ERG: variants seen among roughly 807,000 people sequenced by gnomAD.
The protein encoded by ERG is transcriptional regulator ERG.
In ERG, 9 loss-of-function variants were observed where a neutral mutation model predicts 55.3. The ratio of observed to expected loss-of-function variants is 0.16; its 90% CI spans 0.10 to 0.28. The LOEUF (loss-of-function observed/expected upper bound fraction) is 0.28. ERG is among the 10% of genes least tolerant of loss of function. The pLI is 1.00. For missense variants in ERG, 434 were observed against 631.6 expected, an observed-to-expected ratio of 0.69 and a Z score of 3.35; for synonymous variants, 223 against 237.3, an observed-to-expected ratio of 0.94 and a Z score of 0.55.
intron 2 of ERG, among the ~76,000 whole-genome samples, chr21:38,434,528 G>A (rs188394850): frequency 3.0e-4 from 45 of 152,280 alleles, no homozygotes; most frequent in Non-Finnish European, 5.0e-4. Flanking sequence ...CTCAGTAAGT[G>A]TCTGCAGGAT....
chr21:38,469,429 C>A lies in ERG; in HGVS notation c.19-23808G>T, dbSNP rs554418640. ...TCACAGAAACTCTGCCACAAATGCTCACGAACACCATCACATGGGCTGGGC... is the reference window on the plus strand; with the variant it reads ...TCACAGAAACTCTGCCACAAATGCTAACGAACACCATCACATGGGCTGGGC... On this transcript the variant is annotated intron_variant, in intron 1 of 9. Transcript: ENST00000288319. 2.5e-3 allele frequency among the ~76,000 whole-genome samples: 384 copies of A among 152,298 alleles called. 3 individuals are homozygous for A. The highest frequency in any genetic ancestry group is 8.8e-3 in the African/African-American group (364 of 41,552).
chr21:38,556,075 A>C (rs951318692), intron 2 of ERG, among the ~76,000 whole-genome samples: 6 of 152,152 alleles, frequency 3.9e-5, no homozygotes. Context: ...AAATGTATAG[A>C]ATATACATAG....
rs571175554 is a variant in ERG, at chr21:38,429,720, T to A, written c.237-6159A>T. 8.3e-4 allele frequency among the ~76,000 whole-genome samples: 100 copies of A among 119,764 alleles called. 2 individuals carry two copies. The highest frequency in any genetic ancestry group is 2.1e-3 in the Admixed American group (25 of 11,784). 78.6% of individuals were successfully genotyped at this position (119,764 alleles called of 152,430 possible). On this transcript the variant is annotated intron_variant, in intron 2 of 9. Transcript: ENST00000288319. ...ACATGTATATGTGTGTGCATATATG[T>A]CTATATATATGTGTGTATATATATA...
At chr21:38,420,047 C>CTTTTTT (rs1569083418) in intron 3 of ERG, among the ~76,000 whole-genome samples, 1 of 149,520 alleles carries the variant, frequency 6.7e-6, no homozygotes, top group African/African-American at 2.5e-5. Context: ...TTTTTTTTCA[C>CTTTTTT]TCAGCTATCC....
intron 2 of ERG, among the ~76,000 whole-genome samples, chr21:38,553,151 G>A (rs1601232780): frequency 6.6e-6 from 1 of 152,066 alleles, no homozygotes. Flanking sequence ...AAATCTCTAT[G>A]ACAAGTATTA....
intron 2 of ERG, among the ~76,000 whole-genome samples, chr21:38,570,508 T>C (rs999191916): frequency 3.3e-5 from 5 of 152,230 alleles, no homozygotes; most frequent in African/African-American, 4.8e-5. Flanking sequence ...TGTTTTATCT[T>C]TAAGATGGGT....
intron 6 of ERG, among the ~76,000 whole-genome samples, chr21:38,397,705 G>A (rs1040742510): frequency 3.3e-5 from 5 of 151,960 alleles, no homozygotes; most frequent in African/African-American, 1.2e-4. Context: ...GGGAAGGAGG[G>A]AAGGGTGGTG....
chr21:38,548,880 G>A (rs1232589300), intron 2 of ERG, among the ~76,000 whole-genome samples: 1 of 151,056 alleles, frequency 6.6e-6, no homozygotes, highest in African/African-American at 2.4e-5. Context: ...GGAGGCTGAG[G>A]CGGGCAGATC....
intron 1 of ERG, among the ~76,000 whole-genome samples, chr21:38,486,439 A>C (rs185705282): frequency 1.3e-5 from 2 of 152,298 alleles, no homozygotes; most frequent in African/African-American, 4.8e-5. Context: ...TGATGTTTGC[A>C]CGATGAAATC....
At chr21:38,416,024 G>T (rs1043399221) in intron 3 of ERG, among the ~76,000 whole-genome samples, 6 of 152,292 alleles carry the variant, frequency 3.9e-5, no homozygotes, top group African/African-American at 1.4e-4. Context: ...TGGTCGGAGG[G>T]TATGTTCTAT....
At chr21:38,577,379 T>C (rs2060000986) in intron 1 of ERG, among the ~76,000 whole-genome samples, 1 of 152,164 alleles carries the variant, frequency 6.6e-6, no homozygotes, top group Non-Finnish European at 1.5e-5. Flanking sequence ...GAAGATGACA[T>C]GCTGGGAACC....
rs891801676 is a variant in ERG, at chr21:38,407,647, T to TATATATATATATAA, written c.389-3939_389-3938insTTATATATATATAT. 1.3e-4 allele frequency among the ~76,000 whole-genome samples: 19 copies of TATATATATATATAA among 146,682 alleles called. 1 individual carries two copies. The highest frequency in any genetic ancestry group is 4.0e-4 in the African/African-American group (16 of 40,274). ...GTCTTACAAAAGGTATATATATATT[T>TATATATATATATAA]AATGTATATTATATGTATACTATAT... On this transcript the variant is annotated intron_variant, in intron 3 of 9. Coordinates refer to ENST00000288319, the MANE Select transcript of ERG (RefSeq NM_182918.4).
chr21:38,397,689 T>C lies in ERG; in HGVS notation c.745+2885A>G, dbSNP rs2146442975. ...TAACCCAGGGATGGGTGACTCACAG[T>C]GGGAAGGGAAGGAGGGAAGGGTGGT... On this transcript the variant is annotated intron_variant, in intron 6 of 9. Transcript: ENST00000288319. Among the ~76,000 whole-genome samples the C allele has an allele frequency of 2.1e-5, 3 of 139,728 alleles. No homozygotes were observed. The South Asian group carries it at 6.9e-4, about 32-fold the overall frequency. The allele number at this position is 139,728 out of a possible 152,430, so 91.7% of individuals were successfully genotyped here. A position where few individuals can be genotyped will look rare whatever the true frequency, so the allele number is the denominator to read the frequency against.
intron 1 of ERG, among the ~76,000 whole-genome samples, chr21:38,487,851 C>T (rs1389508457): frequency 6.6e-6 from 1 of 152,154 alleles, no homozygotes; most frequent in Non-Finnish European, 1.5e-5. Context: ...AGAAATGAGT[C>T]CCTAAAGGAA....
At chr21:38,445,078 C>A (rs1041695446) in intron 2 of ERG, among the ~76,000 whole-genome samples, 3 of 151,984 alleles carry the variant, frequency 2.0e-5, no homozygotes, top group Admixed American at 6.5e-5. Context: ...CTGGAGAACA[C>A]ATTTTCCCAG....
At chr21:38,525,244 C>G (rs905144074) in intron 2 of ERG, among the ~76,000 whole-genome samples, 1 of 152,024 alleles carries the variant, frequency 6.6e-6, no homozygotes, top group African/African-American at 2.4e-5. Flanking sequence ...TAGCTGACAC[C>G]CCTCACATCT....
chr21:38,619,229 T>C (rs1182503709), intron 1 of ERG, among the ~76,000 whole-genome samples: 3 of 152,062 alleles, frequency 2.0e-5, no homozygotes, highest in African/African-American at 7.3e-5. Flanking sequence ...GTCAATGGAG[T>C]CTAGAATTAC....
intron 1 of ERG, among the ~76,000 whole-genome samples, chr21:38,468,865 G>C (rs1382207669): frequency 1.3e-5 from 2 of 151,392 alleles, no homozygotes; most frequent in African/African-American, 4.9e-5. Flanking sequence ...GGCGCCTGTA[G>C]TCCCAGCTAC....
At chr21:38,560,508 A>T (rs1266085669) in intron 2 of ERG, among the ~76,000 whole-genome samples, 1 of 152,086 alleles carries the variant, frequency 6.6e-6, no homozygotes, top group African/African-American at 2.4e-5. Context: ...CAAACTATCA[A>T]ATCTGTACCT....
Sources: gnomAD v4.1 joint callset for allele counts (sites outside exome capture counted in the v4.1 genomes callset) on GRCh38, gnomAD v4.1.1 for gene constraint, MANE v1.5 for transcripts, NCBI Gene and HGNC (gene_info 2026-07-23, HGNC 2026-07-21) for gene names.